Variants in CHRM2 observed in about 807,000 individuals in gnomAD.
CHRM2 encodes muscarinic acetylcholine receptor M2.
In CHRM2, 8 loss-of-function variants were observed where a neutral mutation model predicts 25.0. The observed-to-expected ratio is 0.32, with a 90% CI of 0.19 to 0.58. CHRM2 has a LOEUF of 0.58. Among genes scored for constraint, CHRM2 ranks in the 20% least tolerant of loss-of-function variants. The probability of loss-of-function intolerance (pLI) is 0.88; values close to 1 mark genes in which losing one functional copy is unlikely to be tolerated. For missense variants in CHRM2, 440 were observed against 567.1 expected, an observed-to-expected ratio of 0.78 and a Z score of 2.28; for synonymous variants, 202 against 205.7, an observed-to-expected ratio of 0.98 and a Z score of 0.15.
intron 2 of CHRM2, among the ~76,000 whole-genome samples, chr7:136,937,800 A>G (rs1308744960): frequency 6.6e-6 from 1 of 152,208 alleles, no homozygotes; most frequent in South Asian, 2.1e-4. Flanking sequence ...CACGCTTTTG[A>G]CACCGAACGT....
At chr7:136,923,613 C>T (rs1402570209) in intron 2 of CHRM2, among the ~76,000 whole-genome samples, 3 of 152,196 alleles carry the variant, frequency 2.0e-5, no homozygotes, top group African/African-American at 7.2e-5. Context: ...ATAGAATCCA[C>T]ACACTAAAAT....
intron 2 of CHRM2, among the ~76,000 whole-genome samples, chr7:136,916,834 TTC>T (rs35224192): frequency 0.23 from 33,550 of 148,312 alleles, 4,765 homozygotes; most frequent in Non-Finnish European, 0.33. Flanking sequence ...CTCCCTCTCT[TTC>T]TCTCTCTCTC....
intron 2 of CHRM2, among the ~76,000 whole-genome samples, chr7:136,889,900 A>C (rs1796623370): frequency 6.6e-6 from 1 of 152,202 alleles, no homozygotes; most frequent in Non-Finnish European, 1.5e-5. Flanking sequence ...GAGATATTTC[A>C]CAAATATAAA....
chr7:136,916,209 G>A (rs916271714), intron 2 of CHRM2, among the ~76,000 whole-genome samples: 4 of 151,734 alleles, frequency 2.6e-5, no homozygotes, highest in Admixed American at 2.0e-4. Context: ...TCAATTAAAC[G>A]CAGTCTGATT....
At position 137,019,538 on chromosome 7, in the gene CHRM2, A is replaced by G. The variant is rs1805333986; in HGVS notation, c.*3272A>G. 1.3e-5 allele frequency: 2 copies of G among 151,790 alleles called. No homozygotes were observed. The highest frequency in any genetic ancestry group is 1.3e-4 in the Admixed American group (2 of 15,196). 9.4% of individuals were successfully genotyped at this position (151,790 alleles called of 1,614,324 possible). A position where few individuals can be genotyped will look rare whatever the true frequency, so the allele number is the denominator to read the frequency against. On this transcript the variant is annotated 3_prime_UTR_variant, in exon 4 of 4. Coordinates refer to ENST00000680005, the MANE Select transcript of CHRM2 (RefSeq NM_001006630.2). Reference sequence around the variant, plus strand: ...AAACAATATCATTTATCTTCTTTGCATTTACTGGAAAGGTGTATCTGTAAG... The same window carrying G: ...AAACAATATCATTTATCTTCTTTGCGTTTACTGGAAAGGTGTATCTGTAAG...
chr7:136,917,697 A>G (rs1396237248), intron 2 of CHRM2, among the ~76,000 whole-genome samples: 2 of 152,056 alleles, frequency 1.3e-5, no homozygotes, highest in African/African-American at 4.8e-5. Flanking sequence ...CTCCCCAGAA[A>G]ATACAAGACC....
At chr7:136,986,154 C>T (rs1253991032) in intron 2 of CHRM2, among the ~76,000 whole-genome samples, 1 of 152,156 alleles carries the variant, frequency 6.6e-6, no homozygotes, top group Non-Finnish European at 1.5e-5. Context: ...TGGAGAGGAT[C>T]GTTCTTTTCA....
chr7:137,016,320 G>A lies in CHRM2; in HGVS notation c.*54G>A. 1 of 1,534,850 alleles carries A rather than the reference G, an allele frequency of 6.5e-7. No homozygotes were observed. Reference sequence around the variant, plus strand: ...CAAGGGGAGCTTGAGAAGAATAAAAGGGATAAACGAGCTCCTAGTTTTAAA... The same window carrying A: ...CAAGGGGAGCTTGAGAAGAATAAAAAGGATAAACGAGCTCCTAGTTTTAAA... On this transcript the variant is annotated 3_prime_UTR_variant, in exon 4 of 4. Transcript: ENST00000680005.
chr7:136,983,951 G>T (rs1802664906), intron 2 of CHRM2, among the ~76,000 whole-genome samples: 1 of 152,188 alleles, frequency 6.6e-6, no homozygotes, highest in African/African-American at 2.4e-5. Flanking sequence ...CTGTCCCTTG[G>T]CAGAGCTTGG....
At chr7:136,907,136 G>A (rs955061749) in intron 2 of CHRM2, among the ~76,000 whole-genome samples, 10 of 151,896 alleles carry the variant, frequency 6.6e-5, no homozygotes, top group South Asian at 2.1e-4. Flanking sequence ...TGCAAGTGAT[G>A]GGCAGTGGCT....
intron 2 of CHRM2, chr7:136,938,195 A>G: frequency 2.7e-6 from 2 of 750,650 alleles, no homozygotes; most frequent in South Asian, 2.7e-5. Context: ...TCCATCGCAC[A>G]GCAGGTTACT....
At chr7:136,955,638 C>T (rs1800679230) in intron 2 of CHRM2, among the ~76,000 whole-genome samples, 1 of 152,156 alleles carries the variant, frequency 6.6e-6, no homozygotes, top group African/African-American at 2.4e-5. Flanking sequence ...ACCCTTTGCC[C>T]TTCCAAGCAG....
At position 136,987,263 on chromosome 7, in the gene CHRM2, C is replaced by T. The variant is rs576278571; in HGVS notation, c.-124-4924C>T. Among the ~76,000 whole-genome samples, 10 of 152,332 alleles carry T rather than the reference C, an allele frequency of 6.6e-5. No individual in the cohort carries two copies. In the South Asian group the frequency reaches 2.1e-3, roughly 32 times the overall value. On this transcript the variant is annotated intron_variant, in intron 2 of 3. Coordinates refer to ENST00000680005, the MANE Select transcript of CHRM2 (RefSeq NM_001006630.2). Reference sequence around the variant, plus strand: ...CAGCAGCAGCCCACAGTCAAAAGTTCCTTCTTTTGCTGCAAGACAATCATT... The same window carrying T: ...CAGCAGCAGCCCACAGTCAAAAGTTTCTTCTTTTGCTGCAAGACAATCATT...
chr7:136,888,970 C>A (rs1030544581), intron 2 of CHRM2, among the ~76,000 whole-genome samples: 1 of 143,660 alleles, frequency 7.0e-6, no homozygotes, highest in Non-Finnish European at 1.5e-5. Context: ...ATGGCATGAA[C>A]CCGGGAGGCG....
chr7:136,930,973 A>G (rs2130779263), intron 2 of CHRM2, among the ~76,000 whole-genome samples: 1 of 149,630 alleles, frequency 6.7e-6, no homozygotes, highest in South Asian at 2.1e-4. Flanking sequence ...CTCTATCTGT[A>G]ATAGTTTTAG....
intron 2 of CHRM2, among the ~76,000 whole-genome samples, chr7:136,990,897 A>G (rs1803181096): frequency 6.6e-6 from 1 of 152,118 alleles, no homozygotes; most frequent in South Asian, 2.1e-4. Context: ...GTTGTCAGTG[A>G]TCCAGATTAT....
At chr7:137,012,355 T>C (rs1804879588) in intron 3 of CHRM2, among the ~76,000 whole-genome samples, 1 of 152,066 alleles carries the variant, frequency 6.6e-6, no homozygotes, top group Non-Finnish European at 1.5e-5. Context: ...ATTGTATGAT[T>C]AATTGCAAAA....
intron 2 of CHRM2, among the ~76,000 whole-genome samples, chr7:136,944,083 T>C (rs2130827523): frequency 6.6e-6 from 1 of 152,224 alleles, no homozygotes; most frequent in East Asian, 1.9e-4. Flanking sequence ...TTGGCTTTCA[T>C]TTCTTTATTT....
intron 2 of CHRM2, among the ~76,000 whole-genome samples, chr7:136,929,098 T>C (rs376918938): frequency 3.9e-5 from 6 of 152,246 alleles, no homozygotes; most frequent in African/African-American, 9.6e-5. Context: ...CCAGGATCAA[T>C]AGACAGATCT....
Sources: gnomAD v4.1 joint callset for allele counts (sites outside exome capture counted in the v4.1 genomes callset) on GRCh38, gnomAD v4.1.1 for gene constraint, MANE v1.5 for transcripts, NCBI Gene and HGNC (gene_info 2026-07-23, HGNC 2026-07-21) for gene names.